LIMCH1: variants seen among roughly 807,000 people sequenced by gnomAD.
The protein encoded by LIMCH1 is LIM and calponin homology domains-containing protein 1.
A neutral mutation model predicts 176.5 loss-of-function variants in LIMCH1; 113 were observed. That is an observed-to-expected ratio of 0.64 (90% CI 0.55 to 0.75). The LOEUF (loss-of-function observed/expected upper bound fraction) is 0.75, where lower values mean the gene tolerates loss of function less well. Ranked by LOEUF, LIMCH1 falls within the 30% of genes least tolerant of loss-of-function variation. LIMCH1 has a pLI of 0.00. For missense variants in LIMCH1, 1,674 were observed against 1,814.9 expected (o/e 0.92, Z 1.41); for synonymous variants, 619 against 645.9 (o/e 0.96, Z 0.63).
In LIMCH1 at chr4:41,620,605, G is replaced by GA; in HGVS notation, c.645dup (p.Asp216ArgfsTer4). 1 of 1,536,196 alleles carries GA rather than the reference G, an allele frequency of 6.5e-7. No homozygotes were observed. The highest frequency in any genetic ancestry group is 8.7e-7 in the Non-Finnish European group (1 of 1,146,928). On this transcript the variant is annotated frameshift_variant, in exon 7 of 32. Coordinates refer to ENST00000503057, the MANE Select transcript of LIMCH1 (RefSeq NM_001330672.2). LOFTEE classifies it high-confidence loss of function. ...GGTGGCACCAGCTCCCAAGTCTGAA[G>GA]AAAAAGATGCTGCTGAGATCCAAAA...
At chr4:41,655,251 C>T (rs974606642) in intron 18 of LIMCH1, among the ~76,000 whole-genome samples, 1 of 152,298 alleles carries the variant, frequency 6.6e-6, no homozygotes, top group Non-Finnish European at 1.5e-5. Flanking sequence ...GTCAAACTGT[C>T]TAAGCCTCAA....
At chr4:41,499,775 G>GCCA (rs751622958) in intron 2 of LIMCH1, among the ~76,000 whole-genome samples, 118 of 152,224 alleles carry the variant, frequency 7.8e-4, no homozygotes, top group Admixed American at 2.3e-3. Context: ...CTGAGATTGT[G>GCCA]CCACTGCACT....
At chr4:41,360,699 C>A (rs2051846249), upstream of LIMCH1, 1 of 462,326 alleles carries the variant, frequency 2.2e-6, no homozygotes, top group African/African-American at 2.1e-5. This position sits in a 1 kb window ranked among gnomAD's most constrained non-coding sequence, Gnocchi z 4.5. Context: ...GCGCGGCTCT[C>A]CCGGGACCTG....
At position 41,636,034 on chromosome 4, in the gene LIMCH1, G is replaced by A. The variant is rs141799012; in HGVS notation, c.2090+2226G>A. The stretch of plus-strand genomic sequence containing the variant: ...CAATCCTCCCACCTCAGCCTCCCAA[G>A]TAGCTGGGACCACAGGCGTACACCA... On this transcript the variant is annotated intron_variant, in intron 13 of 31. Transcript: ENST00000503057. Among the ~76,000 whole-genome samples, 70 of 152,096 alleles carry A rather than the reference G, an allele frequency of 4.6e-4. No individual in the cohort carries two copies. In the East Asian group the frequency reaches 0.013, roughly 28 times the overall value.
intron 3 of LIMCH1, among the ~76,000 whole-genome samples, chr4:41,529,738 AT>A (rs11299898): frequency 0.13 from 20,292 of 152,126 alleles, 1,969 homozygotes; most frequent in South Asian, 0.32. Flanking sequence ...GCAAAAACTC[AT>A]TTTTTAAGTT....
intron 1 of LIMCH1, among the ~76,000 whole-genome samples, chr4:41,425,610 G>A (rs1051181973): frequency 2.6e-5 from 4 of 152,140 alleles, no homozygotes; most frequent in Non-Finnish European, 4.4e-5. Flanking sequence ...GCCTCCCTAA[G>A]TTCTGGGATT....
chr4:41,694,026 A>T (rs1560419585), intron 31 of LIMCH1, among the ~76,000 whole-genome samples: 1 of 152,116 alleles, frequency 6.6e-6, no homozygotes, highest in Non-Finnish European at 1.5e-5. Flanking sequence ...AAGACCAGGA[A>T]TTTTTCTCTT....
chr4:41,520,737 T>G (rs868527391), intron 2 of LIMCH1, among the ~76,000 whole-genome samples: 4 of 152,204 alleles, frequency 2.6e-5, no homozygotes, highest in Admixed American at 6.5e-5. Flanking sequence ...TTTTCTTTAT[T>G]TTTATTTGTA....
intron 1 of LIMCH1, among the ~76,000 whole-genome samples, chr4:41,549,562 A>G (rs1393606260): frequency 6.6e-6 from 1 of 152,264 alleles, no homozygotes; most frequent in South Asian, 2.1e-4. Flanking sequence ...CCCTCACTTA[A>G]AAAATGAAGA....
At chr4:41,442,177 G>A (rs2062771637) in intron 1 of LIMCH1, among the ~76,000 whole-genome samples, 1 of 152,300 alleles carries the variant, frequency 6.6e-6, no homozygotes, top group Admixed American at 6.5e-5. Context: ...GTATGCACCT[G>A]TAGTTTCAGC....
intron 14 of LIMCH1, among the ~76,000 whole-genome samples, chr4:41,644,196 T>C (rs983625718): frequency 6.6e-6 from 1 of 152,248 alleles, no homozygotes; most frequent in Non-Finnish European, 1.5e-5. Context: ...ACCATTTTTC[T>C]AGCTCTTCTT....
chr4:41,567,978 C>T (rs1301556318), intron 1 of LIMCH1, among the ~76,000 whole-genome samples: 1 of 152,070 alleles, frequency 6.6e-6, no homozygotes, highest in African/African-American at 2.4e-5. Context: ...CATAGTGAAA[C>T]CCCGGCTCTA....
intron 1 of LIMCH1, among the ~76,000 whole-genome samples, chr4:41,411,365 TTTTTG>T (rs2059460864): frequency 6.6e-6 from 1 of 152,138 alleles, no homozygotes; most frequent in Admixed American, 6.5e-5. Flanking sequence ...CTGGGTTTTG[TTTTTG>T]TTTTTTTTGT....
intron 1 of LIMCH1, among the ~76,000 whole-genome samples, chr4:41,423,603 G>A (rs2060813751): frequency 6.6e-6 from 1 of 152,134 alleles, no homozygotes; most frequent in South Asian, 2.1e-4. Flanking sequence ...CAAGCAAACA[G>A]GTCTCAAGCT....
intron 1 of LIMCH1, among the ~76,000 whole-genome samples, chr4:41,540,719 GA>G (rs1174106977): frequency 2.7e-5 from 4 of 150,442 alleles, no homozygotes; most frequent in East Asian, 3.9e-4. Flanking sequence ...AGCCTGAAAA[GA>G]AAAAAAAAGA....
chr4:41,531,481 C>CAT (rs1278501306), intron 3 of LIMCH1, among the ~76,000 whole-genome samples: 1 of 117,482 alleles, frequency 8.5e-6, no homozygotes, highest in Non-Finnish European at 1.7e-5. Flanking sequence ...CTGTCACACA[C>CAT]ACACACACAC....
intron 1 of LIMCH1, among the ~76,000 whole-genome samples, chr4:41,386,998 G>A (rs1273745029): frequency 6.6e-6 from 1 of 152,064 alleles, no homozygotes; most frequent in Admixed American, 6.5e-5. Context: ...GGGTTATCTG[G>A]GCTCTTCTTT....
chr4:41,570,159 A>G (rs1001410701), intron 1 of LIMCH1, among the ~76,000 whole-genome samples: 3 of 152,206 alleles, frequency 2.0e-5, no homozygotes, highest in Admixed American at 6.5e-5. Flanking sequence ...TGACCTCCAC[A>G]AAACATTAGA....
intron 21 of LIMCH1, among the ~76,000 whole-genome samples, chr4:41,667,139 TAAA>T (rs2094855749): frequency 6.6e-6 from 1 of 152,092 alleles, no homozygotes; most frequent in African/African-American, 2.4e-5. Flanking sequence ...TATAAAAAGA[TAAA>T]AAGTCATAAA....
Sources: gnomAD v4.1 joint callset for allele counts (sites outside exome capture counted in the v4.1 genomes callset) on GRCh38, gnomAD v4.1.1 for gene constraint, Gnocchi (gnomAD v3.1) non-coding constraint, MANE v1.5 for transcripts, NCBI Gene and HGNC (gene_info 2026-07-23, HGNC 2026-07-21) for gene names.